The following OLAH variants were observed in gnomAD, a reference collection of about 807,000 sequenced individuals.
The protein encoded by OLAH is oleoyl-ACP hydrolase.
In OLAH, 33 loss-of-function variants were observed where a neutral mutation model predicts 27.8. The observed-to-expected ratio is 1.19, with a 90% CI of 0.90 to 1.59. OLAH has a LOEUF of 1.59. OLAH is among the 40% of genes most tolerant of loss of function. The pLI is 0.00. For synonymous variants in OLAH, 120 were observed against 102.9 expected, an observed-to-expected ratio of 1.17 and a Z score of -1.01; for missense variants, 359 against 310.8, an observed-to-expected ratio of 1.16 and a Z score of -1.17.
At chr10:15,068,763 C>T (rs887711737) in intron 6 of OLAH, among the ~76,000 whole-genome samples, 2 of 152,174 alleles carry the variant, frequency 1.3e-5, no homozygotes. Flanking sequence ...TAATGTTTTA[C>T]ACCTGAATTT....
upstream of OLAH, among the ~76,000 whole-genome samples, chr10:15,039,179 T>C (rs1162746209): frequency 6.6e-6 from 1 of 151,926 alleles, no homozygotes. Flanking sequence ...TGAGCTATGA[T>C]AGCACCCCTG....
At chr10:15,070,772 C>G (rs1223599507) in intron 6 of OLAH, among the ~76,000 whole-genome samples, 1 of 148,778 alleles carries the variant, frequency 6.7e-6, no homozygotes, top group South Asian at 2.1e-4. Context: ...TAAGCCACCA[C>G]GCCTGAACTT....
At position 15,044,955 on chromosome 10, in the gene OLAH, A is replaced by C. The variant is rs549488560; in HGVS notation, c.-164+969A>C. Among the ~76,000 whole-genome samples, 27 of 152,294 alleles carry C rather than the reference A, an allele frequency of 1.8e-4. No individual in the cohort carries two copies. The South Asian group carries it at 2.5e-3, about 14-fold the overall frequency. Reference sequence around the variant, plus strand: ...CATGTTTTATCTTTGGACTAGTACTATGCATCAGTTCCACAAAAATCTAAG... The same window carrying C: ...CATGTTTTATCTTTGGACTAGTACTCTGCATCAGTTCCACAAAAATCTAAG... On this transcript the variant is annotated intron_variant, in intron 1 of 7. Coordinates refer to ENST00000378228, the MANE Select transcript of OLAH (RefSeq NM_001039702.3).
chr10:15,037,491 G>A (rs1843858814), intron 1 of OLAH, among the ~76,000 whole-genome samples: 1 of 151,468 alleles, frequency 6.6e-6, no homozygotes, highest in Non-Finnish European at 1.5e-5. Flanking sequence ...TAAGGCAGGA[G>A]AATCTCTTGA....
chr10:15,049,619 T>C lies in OLAH; in HGVS notation c.33-16T>C. ...TGATATACATAATGTTAAATATATT[T>C]GAATTTTCTCCCTAGGAATGAAAAC... is the stretch of plus-strand genomic sequence containing the variant. On this transcript the variant is annotated splice_polypyrimidine_tract_variant and intron_variant, in intron 2 of 7. Coordinates refer to ENST00000378228, the MANE Select transcript of OLAH (RefSeq NM_001039702.3). 3 of 1,536,628 alleles carry C rather than the reference T, an allele frequency of 2.0e-6. No homozygotes were observed. Among genetic ancestry groups the C allele is most frequent in the Non-Finnish European group, 2.6e-6 (3 of 1,132,348 alleles).
chr10:15,065,891 A>G, intron 6 of OLAH, 138 bp downstream of exon 6: 2 of 700,466 alleles, frequency 2.9e-6, no homozygotes, highest in Non-Finnish European at 4.7e-6. Flanking sequence ...GGGGCCACCT[A>G]TGGTATGTAT....
intron 3 of OLAH, among the ~76,000 whole-genome samples, chr10:15,057,939 T>G (rs1844279031): frequency 6.6e-6 from 1 of 152,226 alleles, no homozygotes; most frequent in Non-Finnish European, 1.5e-5. Flanking sequence ...GCCTTAGATA[T>G]CCAGTAGCAT....
intron 3 of OLAH, among the ~76,000 whole-genome samples, chr10:15,057,910 T>C (rs759507264): frequency 3.3e-4 from 51 of 152,242 alleles, no homozygotes; most frequent in Admixed American, 7.9e-4. Context: ...CTATCTTGAT[T>C]ACTGTGGCCT....
chr10:15,072,126 G>C (rs1844601375), intron 7 of OLAH, among the ~76,000 whole-genome samples: 1 of 152,116 alleles, frequency 6.6e-6, no homozygotes, highest in Non-Finnish European at 1.5e-5. Context: ...TAGAGATGGG[G>C]TTTCACCATG....
intron 3 of OLAH, among the ~76,000 whole-genome samples, chr10:15,059,817 T>A (rs113202690): frequency 2.0e-5 from 3 of 152,074 alleles, no homozygotes; most frequent in South Asian, 2.1e-4. Flanking sequence ...AAAAAATAAA[T>A]AAATAAATAA....
rs1379009125 is a variant in OLAH at position 15,049,661 on chromosome 10, A to T, written c.59A>T (p.Tyr20Phe). 1 of 1,600,764 alleles carries T rather than the reference A, an allele frequency of 6.2e-7. No individual in the cohort carries two copies. Among genetic ancestry groups the T allele is most frequent in the Non-Finnish European group, 8.5e-7 (1 of 1,176,100 alleles). Residue 20 changes from tyrosine (Y) to phenylalanine (F), a missense_variant, in exon 3 of 8, where the codon TAC becomes TTC. Transcript: ENST00000378228. ...AATGAAAACATTTTCAACTGCTTAT[A>T]CAAAAACCCTGAGGCAACTTTTAAG... ...TRNENIFNCL[Y>F]KNPEATFKLI...
At chr10:15,061,293 TA>T (rs1844357082) in intron 3 of OLAH, among the ~76,000 whole-genome samples, 1 of 152,176 alleles carries the variant, frequency 6.6e-6, no homozygotes, top group African/African-American at 2.4e-5. Flanking sequence ...GTCTAGAATT[TA>T]GGGTTTCTTA....
At chr10:15,058,782 G>A (rs908234429) in intron 3 of OLAH, among the ~76,000 whole-genome samples, 6 of 151,958 alleles carry the variant, frequency 3.9e-5, no homozygotes, top group Non-Finnish European at 7.4e-5. Context: ...TTGAATTCTC[G>A]TGGGTTTTAT....
rs150548765 is a variant in OLAH at position 15,052,607 on chromosome 10, GTTTC to G, written c.163+2846_163+2849del. On this transcript the variant is annotated intron_variant, in intron 3 of 7. Coordinates refer to ENST00000378228, the MANE Select transcript of OLAH (RefSeq NM_001039702.3). Reference sequence around the variant, plus strand: ...ATTACTGATGTGTATACTTCTTTGAGTTTCTTTAACAACTTGTTTTACTGTTTGT... The same window carrying G: ...ATTACTGATGTGTATACTTCTTTGAGTTTAACAACTTGTTTTACTGTTTGT... 6.1e-3 allele frequency among the ~76,000 whole-genome samples: 925 copies of G among 151,854 alleles called. 10 individuals carry two copies. The highest frequency in any genetic ancestry group is 0.022 in the African/African-American group (892 of 41,446).
intron 5 of OLAH, among the ~76,000 whole-genome samples, chr10:15,064,803 G>A (rs1389112928): frequency 1.3e-5 from 2 of 152,046 alleles, no homozygotes; most frequent in Non-Finnish European, 2.9e-5. Flanking sequence ...GACTACAGGC[G>A]AGCACCACCA....
intron 1 of OLAH, among the ~76,000 whole-genome samples, chr10:15,035,921 C>G (rs1843834465): frequency 6.6e-6 from 1 of 152,168 alleles, no homozygotes; most frequent in Non-Finnish European, 1.5e-5. Context: ...GAATCTCACA[C>G]CAATCTCGCG....
At chr10:15,063,573 C>T (rs1844409443) in intron 4 of OLAH, among the ~76,000 whole-genome samples, 2 of 152,180 alleles carry the variant, frequency 1.3e-5, no homozygotes, top group African/African-American at 2.4e-5. Context: ...GTTTTGTCAA[C>T]CAAATGTATT....
upstream of OLAH, among the ~76,000 whole-genome samples, chr10:15,043,312 AG>A (rs1246784227): frequency 1.3e-5 from 2 of 152,142 alleles, no homozygotes; most frequent in African/African-American, 4.8e-5. Context: ...AAAGCTTAGA[AG>A]GGTGCTTGGT....
rs571721098 is a variant in OLAH at position 15,050,792 on chromosome 10, C to G, written c.163+1027C>G. 5.8e-4 allele frequency among the ~76,000 whole-genome samples: 88 copies of G among 151,828 alleles called. 1 individual carries two copies. In the South Asian group the frequency reaches 0.018, roughly 31 times the overall value. On this transcript the variant is annotated intron_variant, in intron 3 of 7. Transcript: ENST00000378228. Reference sequence around the variant, plus strand: ...TCCTGACCTTGTGATCCGCCCGCCTCGGCCTCCCAAAGTGCTCGGATTACA... The same window carrying G: ...TCCTGACCTTGTGATCCGCCCGCCTGGGCCTCCCAAAGTGCTCGGATTACA...
Sources: allele counts gnomAD v4.1 joint callset (sites outside exome capture counted in the v4.1 genomes callset), GRCh38; gene constraint gnomAD v4.1.1; transcripts MANE v1.5; gene names NCBI Gene and HGNC (gene_info 2026-07-23, HGNC 2026-07-21).